C16orf82: variants seen among roughly 807,000 people sequenced by gnomAD.
C16orf82 encodes the protein protein TNT.
For missense variants in C16orf82, 176 were observed against 206.1 expected (o/e 0.85, Z 0.89); for synonymous variants, 82 against 85.5 (o/e 0.96, Z 0.22).
Position 27,067,462 on chromosome 16 carries a change from G to T in C16orf82, c.*2G>T, listed in dbSNP as rs777875039. ...AAGCAGACTGGAGGGAAAGAGTGAG[G>T]CCAGCCTGCCCGGCAGCGGCAGCGG... On this transcript the variant is annotated 3_prime_UTR_variant, in exon 1 of 1. Transcript: ENST00000505035. 4 of 1,313,952 alleles carry T rather than the reference G, an allele frequency of 3.0e-6. No homozygotes were observed. The South Asian group carries it at 3.7e-5, about 12-fold the overall frequency. 81.4% of individuals were successfully genotyped at this position (1,313,952 alleles called of 1,614,324 possible). A position where few individuals can be genotyped will look rare whatever the true frequency, so the allele number is the denominator to read the frequency against.
chr16:27,067,566 G>A lies in C16orf82; in HGVS notation c.*106G>A. 6.9e-6 allele frequency: 6 copies of A among 863,736 alleles called. No homozygotes were observed. Among genetic ancestry groups the A allele is most frequent in the Non-Finnish European group, 7.9e-6 (5 of 631,668 alleles). The allele number at this position is 863,736 out of a possible 1,614,324, so 53.5% of individuals were successfully genotyped here. On this transcript the variant is annotated 3_prime_UTR_variant, in exon 1 of 1. Coordinates refer to ENST00000505035, the MANE Select transcript of C16orf82 (RefSeq NM_001145545.2). ...CCTACAAGGTGAGCAGCGGGCTGCT[G>A]ACTTCCACAGCCAGCCTTCCCTCCA...
rs775742140 is a variant in C16orf82 at position 27,067,289 on chromosome 16, C to T, written c.294C>T (p.Ser98=). Residue 98 remains serine (S), a synonymous_variant, in exon 1 of 1, where the codon AGC becomes AGT. Coordinates refer to ENST00000505035, the MANE Select transcript of C16orf82 (RefSeq NM_001145545.2). ...GGTACGCAGGGGACAAGGAGGGCAG[C>T]GACATCAGCTTGGTGGGCAGCCACC... 5 of 1,362,174 alleles carry T rather than the reference C, an allele frequency of 3.7e-6. 1 individual carries two copies. Among genetic ancestry groups the T allele is most frequent in the South Asian group, 2.3e-5 (2 of 86,980 alleles). The allele number at this position is 1,362,174 out of a possible 1,614,324, so 84.4% of individuals were successfully genotyped here.
chr16:27,067,140 G>T lies in C16orf82; in HGVS notation c.145G>T (p.Val49Leu), dbSNP rs776436745. The T allele has an allele frequency of 5.1e-6, 7 of 1,366,768 alleles. No individual in the cohort carries two copies. In the African/African-American group the frequency reaches 1.0e-4, roughly 20 times the overall value. The allele number at this position is 1,366,768 out of a possible 1,614,324, so 84.7% of individuals were successfully genotyped here. The change falls in exon 1 of 1, where the codon GTG (valine) becomes TTG (leucine). Residue 49 changes from valine (V) to leucine (L), a missense_variant. Physicochemically the swap from Val to Leu is conservative, Grantham distance 32 (BLOSUM62 1). Transcript: ENST00000505035. ...CCCTGCGTGGCCACGCCATGCAGGA[G>T]TGGCTCAGGAGCCCCTGAAAGTGTC...
rs114230553 is a variant in C16orf82, at chr16:27,067,496, T to G, written c.*36T>G. The G allele has an allele frequency of 1.6e-6, 2 of 1,266,110 alleles. No individual in the cohort carries two copies. The highest frequency in any genetic ancestry group is 1.7e-5 in the African/African-American group (1 of 58,056). The allele number at this position is 1,266,110 out of a possible 1,614,324, so 78.4% of individuals were successfully genotyped here. A position where few individuals can be genotyped will look rare whatever the true frequency, so the allele number is the denominator to read the frequency against. ...CCCGGCAGCGGCAGCGGCAGCAGCA[T>G]CCTGTCCAGCGCCAGCTTCATCAGC... On this transcript the variant is annotated 3_prime_UTR_variant, in exon 1 of 1. Coordinates refer to ENST00000505035, the MANE Select transcript of C16orf82 (RefSeq NM_001145545.2).
Position 27,069,090 on chromosome 16 carries a change from T to A in C16orf82, c.*1630T>A, listed in dbSNP as rs1900444242. 6.0e-6 allele frequency: 1 copy of A among 167,012 alleles called. No individual in the cohort carries two copies. The highest frequency in any genetic ancestry group is 2.1e-4 in the South Asian group (1 of 4,814). The allele number at this position is 167,012 out of a possible 1,614,324, so 10.3% of individuals were successfully genotyped here. On this transcript the variant is annotated 3_prime_UTR_variant, in exon 1 of 1. Transcript: ENST00000505035. ...ACAAAGGAAAAGAGGCCAGAGACTG[T>A]CGTGAAGACATCCACTAGGTACCAG...
rs1178748783 is a variant in C16orf82 at position 27,068,640 on chromosome 16, G to A, written c.*1180G>A. ...TCTAGTGAGAACATTAGAGGGCGGT[G>A]TAAATGGATCCCCATGCCTGGGCAC... On this transcript the variant is annotated 3_prime_UTR_variant, in exon 1 of 1. Coordinates refer to ENST00000505035, the MANE Select transcript of C16orf82 (RefSeq NM_001145545.2). The A allele has an allele frequency of 6.0e-6, 1 of 166,922 alleles. No individual in the cohort carries two copies. The highest frequency in any genetic ancestry group is 2.4e-5 in the African/African-American group (1 of 41,400). The allele number at this position is 166,922 out of a possible 1,614,324, so 10.3% of individuals were successfully genotyped here.
In C16orf82 at chr16:27,067,880, T is replaced by C. The variant is rs1219450060; in HGVS notation, c.*420T>C. On this transcript the variant is annotated 3_prime_UTR_variant, in exon 1 of 1. Transcript: ENST00000505035. ...TTTTCAAAAGCACACACTGACTGTG[T>C]CAACCATCAGTGGGTAATCCCATTT... is the stretch of plus-strand genomic sequence containing the variant. 1 of 244,422 alleles carries C rather than the reference T, an allele frequency of 4.1e-6. No individual in the cohort carries two copies. The highest frequency in any genetic ancestry group is 8.7e-6 in the Non-Finnish European group (1 of 115,342). 15.1% of individuals were successfully genotyped at this position (244,422 alleles called of 1,614,324 possible). A position where few individuals can be genotyped will look rare whatever the true frequency, so the allele number is the denominator to read the frequency against.
rs1434638607 is a variant in C16orf82 at position 27,067,046 on chromosome 16, G to A, written c.51G>A (p.Gly17=). 1.5e-6 allele frequency: 2 copies of A among 1,367,722 alleles called. No homozygotes were observed. Among genetic ancestry groups the A allele is most frequent in the Admixed American group, 3.8e-5 (2 of 52,598 alleles). 84.7% of individuals were successfully genotyped at this position (1,367,722 alleles called of 1,614,324 possible). A position where few individuals can be genotyped will look rare whatever the true frequency, so the allele number is the denominator to read the frequency against. The change falls in exon 1 of 1, where the codon GGG becomes GGA. Residue 17 remains glycine (G), a synonymous_variant. Coordinates refer to ENST00000505035, the MANE Select transcript of C16orf82 (RefSeq NM_001145545.2). ...CCATTTTTCTCGAGGGAGAAAAAGG[G>A]GAATCCTCTGTCCAGAATGAGCAGG...
chr16:27,066,961 G>C lies in C16orf82; in HGVS notation c.-35G>C, dbSNP rs368914787. 3.7e-6 allele frequency: 5 copies of C among 1,342,760 alleles called. No homozygotes were observed. The highest frequency in any genetic ancestry group is 5.0e-6 in the Non-Finnish European group (5 of 999,692). 83.2% of individuals were successfully genotyped at this position (1,342,760 alleles called of 1,614,324 possible). ...GTCACCTCTCCCCAGAGAGGTCACAGCCAACATTCAGAGGCCTCCCAGGGC... is the reference window on the plus strand; with the variant it reads ...GTCACCTCTCCCCAGAGAGGTCACACCCAACATTCAGAGGCCTCCCAGGGC... On this transcript the variant is annotated 5_prime_UTR_variant, in exon 1 of 1. Coordinates refer to ENST00000505035, the MANE Select transcript of C16orf82 (RefSeq NM_001145545.2).
chr16:27,067,130 C>T lies in C16orf82; in HGVS notation c.135C>T (p.Arg45=), dbSNP rs746907690. 7.3e-7 allele frequency: 1 copy of T among 1,367,012 alleles called. No homozygotes were observed. 84.7% of individuals were successfully genotyped at this position (1,367,012 alleles called of 1,614,324 possible). ...AGCTCCAGTCCCCTGCGTGGCCACG[C>T]CATGCAGGAGTGGCTCAGGAGCCCC... Residue 45 remains arginine (R), a synonymous_variant, in exon 1 of 1, where the codon CGC becomes CGT. Transcript: ENST00000505035.
In C16orf82 at chr16:27,068,178, AC is replaced by A. The variant is rs535937440; in HGVS notation, c.*723del. 2.9e-3 allele frequency: 480 copies of A among 167,166 alleles called. 2 individuals are homozygous for A. The highest frequency in any genetic ancestry group is 0.011 in the African/African-American group (465 of 41,512). 10.4% of individuals were successfully genotyped at this position (167,166 alleles called of 1,614,324 possible). ...CTGTAGTCAGCAGCATCCTGGTGGG[AC>A]CCCCTGTACCAAAACTCATCAGTGG... On this transcript the variant is annotated 3_prime_UTR_variant, in exon 1 of 1. Transcript: ENST00000505035.
Position 27,067,561 on chromosome 16 carries a change from C to A in C16orf82, c.*101C>A. On this transcript the variant is annotated 3_prime_UTR_variant, in exon 1 of 1. Coordinates refer to ENST00000505035, the MANE Select transcript of C16orf82 (RefSeq NM_001145545.2). Reference sequence around the variant, plus strand: ...CCTCACCTACAAGGTGAGCAGCGGGCTGCTGACTTCCACAGCCAGCCTTCC... The same window carrying A: ...CCTCACCTACAAGGTGAGCAGCGGGATGCTGACTTCCACAGCCAGCCTTCC... 1.1e-6 allele frequency: 1 copy of A among 912,488 alleles called. No individual in the cohort carries two copies. The allele number at this position is 912,488 out of a possible 1,614,324, so 56.5% of individuals were successfully genotyped here. A position where few individuals can be genotyped will look rare whatever the true frequency, so the allele number is the denominator to read the frequency against.
At position 27,067,445 on chromosome 16, in the gene C16orf82, T is replaced by C. The variant is rs1333100500; in HGVS notation, c.450T>C (p.Thr150=). 2 of 1,328,116 alleles carry C rather than the reference T, an allele frequency of 1.5e-6. No homozygotes were observed. The highest frequency in any genetic ancestry group is 2.4e-5 in the South Asian group (2 of 82,876). 82.3% of individuals were successfully genotyped at this position (1,328,116 alleles called of 1,614,324 possible). ...GCCCCGCCCACAGCACCAAGCAGACTGGAGGGAAAGAGTGAGGCCAGCCTG... is the reference window on the plus strand; with the variant it reads ...GCCCCGCCCACAGCACCAAGCAGACCGGAGGGAAAGAGTGAGGCCAGCCTG... The change falls in exon 1 of 1, where the codon ACT becomes ACC. Residue 150 remains threonine, a synonymous_variant. Transcript: ENST00000505035.
rs964696208 is a variant in C16orf82 at position 27,067,619 on chromosome 16, G to A, written c.*159G>A. ...CAGGCCAGCAGCCGTCAGAGCGTCC[G>A]GCTGGATGGCAGTGCCCAAAACAGG... On this transcript the variant is annotated 3_prime_UTR_variant, in exon 1 of 1. Coordinates refer to ENST00000505035, the MANE Select transcript of C16orf82 (RefSeq NM_001145545.2). 18 of 513,704 alleles carry A rather than the reference G, an allele frequency of 3.5e-5. No individual in the cohort carries two copies. The highest frequency in any genetic ancestry group is 1.6e-4 in the African/African-American group (8 of 49,174). The allele number at this position is 513,704 out of a possible 1,614,324, so 31.8% of individuals were successfully genotyped here.
At position 27,067,097 on chromosome 16, in the gene C16orf82, C is replaced by G. The variant is rs753110643; in HGVS notation, c.102C>G (p.Pro34=). 7.3e-7 allele frequency: 1 copy of G among 1,367,492 alleles called. No homozygotes were observed. The highest frequency in any genetic ancestry group is 1.1e-5 in the South Asian group (1 of 88,032). The allele number at this position is 1,367,492 out of a possible 1,614,324, so 84.7% of individuals were successfully genotyped here. ...AAGGAGAGCCAAGCCTACAGTCACC[C>G]AGCTTAGAGCTCCAGTCCCCTGCGT... is the stretch of plus-strand genomic sequence containing the variant. Residue 34 remains proline (P), a synonymous_variant, in exon 1 of 1, where the codon CCC becomes CCG. Transcript: ENST00000505035.
Position 27,068,044 on chromosome 16 carries a change from A to T in C16orf82, c.*584A>T, listed in dbSNP as rs2141954389. 1 of 170,546 alleles carries T rather than the reference A, an allele frequency of 5.9e-6. No homozygotes were observed. The highest frequency in any genetic ancestry group is 3.3e-3 in the Middle Eastern group (1 of 302). The allele number at this position is 170,546 out of a possible 1,614,324, so 10.6% of individuals were successfully genotyped here. Reference sequence around the variant, plus strand: ...TGCTAGGAAGAGCTGTAGTATCAAGATTCACCAATGCTGAGTCCACCTGTG... The same window carrying T: ...TGCTAGGAAGAGCTGTAGTATCAAGTTTCACCAATGCTGAGTCCACCTGTG... On this transcript the variant is annotated 3_prime_UTR_variant, in exon 1 of 1. Transcript: ENST00000505035.
In C16orf82 at chr16:27,067,882, A is replaced by G. The variant is rs115982912; in HGVS notation, c.*422A>G. The G allele has an allele frequency of 0.011, 2,686 of 244,752 alleles. 73 individuals are homozygous for G. The highest frequency in any genetic ancestry group is 0.056 in the African/African-American group (2,473 of 43,840). The allele number at this position is 244,752 out of a possible 1,614,324, so 15.2% of individuals were successfully genotyped here. ...TTCAAAAGCACACACTGACTGTGTC[A>G]ACCATCAGTGGGTAATCCCATTTGT... On this transcript the variant is annotated 3_prime_UTR_variant, in exon 1 of 1. Transcript: ENST00000505035.
In C16orf82 at chr16:27,067,030, T is replaced by A; in HGVS notation, c.35T>A (p.Leu12His). Residue 12 changes from leucine to histidine, a missense_variant, in exon 1 of 1, where the codon CTC becomes CAC. Leu to His is a moderately conservative substitution (Grantham distance 99). Transcript: ENST00000505035. ...CCACTTCAGCTGCCCCCCATTTTTC[T>A]CGAGGGAGAAAAAGGGGAATCCTCT... The A allele has an allele frequency of 7.3e-7, 1 of 1,367,512 alleles. No individual in the cohort carries two copies. Among genetic ancestry groups the A allele is most frequent in the Non-Finnish European group, 9.8e-7 (1 of 1,021,814 alleles). The allele number at this position is 1,367,512 out of a possible 1,614,324, so 84.7% of individuals were successfully genotyped here. A position where few individuals can be genotyped will look rare whatever the true frequency, so the allele number is the denominator to read the frequency against.
chr16:27,067,578 C>T lies in C16orf82; in HGVS notation c.*118C>T. The T allele has an allele frequency of 1.3e-6, 1 of 785,174 alleles. No individual in the cohort carries two copies. The allele number at this position is 785,174 out of a possible 1,614,324, so 48.6% of individuals were successfully genotyped here. On this transcript the variant is annotated 3_prime_UTR_variant, in exon 1 of 1. Transcript: ENST00000505035. ...GCAGCGGGCTGCTGACTTCCACAGC[C>T]AGCCTTCCCTCCACCCAGGCCAGCA...
Sources: gnomAD v4.1 joint callset for allele counts on GRCh38, gnomAD v4.1.1 for gene constraint, MANE v1.5 for transcripts, NCBI Gene and HGNC (gene_info 2026-07-23, HGNC 2026-07-21) for gene names.